ZBTB7C: variants seen among roughly 807,000 people sequenced by gnomAD.
ZBTB7C encodes zinc finger and BTB domain containing 7C, also known as zinc finger and BTB domain-containing protein 7C.
A neutral mutation model predicts 25.7 loss-of-function variants in ZBTB7C; 8 were observed. The observed-to-expected ratio is 0.31, with a 90% CI of 0.18 to 0.56. The LOEUF is 0.56. Ranked by LOEUF, ZBTB7C falls within the 20% of genes least tolerant of loss-of-function variation. The pLI, the probability that ZBTB7C is intolerant of heterozygous loss-of-function variation, is 0.91. For missense variants in ZBTB7C, 824 were observed against 855.2 expected, an observed-to-expected ratio of 0.96 and a Z score of 0.46; for synonymous variants, 394 against 369.0, an observed-to-expected ratio of 1.07 and a Z score of -0.78.
At chr18:48,135,376 G>A (rs1158427786) in intron 3 of ZBTB7C, among the ~76,000 whole-genome samples, 2 of 152,204 alleles carry the variant, frequency 1.3e-5, no homozygotes, top group South Asian at 2.1e-4. Flanking sequence ...CAGTTAAAGT[G>A]TAAGATTCTA....
intron 3 of ZBTB7C, among the ~76,000 whole-genome samples, chr18:48,080,688 C>T (rs2037948634): frequency 6.6e-6 from 1 of 152,212 alleles, no homozygotes; most frequent in Non-Finnish European, 1.5e-5. Context: ...ATGAACTGGG[C>T]TGTCCTGACA....
In ZBTB7C at chr18:48,050,335, C is replaced by G. The variant is rs140027137; in HGVS notation, c.-16-9212G>C. ...CCTTGGCTGCCCCAGAGGCTGGAAC[C>G]AGACATGTGGGCTGGGAGGCTGGGC... On this transcript the variant is annotated intron_variant, in intron 3 of 4. Coordinates refer to ENST00000590800, the MANE Select transcript of ZBTB7C (RefSeq NM_001318841.2). 2.0e-3 allele frequency among the ~76,000 whole-genome samples: 306 copies of G among 152,298 alleles called. 3 individuals are homozygous for G. Among genetic ancestry groups the G allele is most frequent in the African/African-American group, 6.5e-3 (269 of 41,560 alleles).
At chr18:48,169,851 A>G (rs2041407270) in intron 3 of ZBTB7C, 2 of 152,304 alleles carry the variant, frequency 1.3e-5, no homozygotes, top group African/African-American at 2.4e-5. Flanking sequence ...TCTTCTCTGT[A>G]TCATTCCTAT....
chr18:48,179,933 GCTTCCTTC>G (rs1195377699), intron 3 of ZBTB7C, among the ~76,000 whole-genome samples: 18 of 18,984 alleles, frequency 9.5e-4, no homozygotes, highest in Non-Finnish European at 1.9e-3. Context: ...TTCCTTCCCT[GCTTCCTTC>G]CTTCCTTCCC....
At chr18:48,059,441 G>C (rs2037043435) in intron 3 of ZBTB7C, among the ~76,000 whole-genome samples, 1 of 151,998 alleles carries the variant, frequency 6.6e-6, no homozygotes, top group Non-Finnish European at 1.5e-5. Context: ...CTCACACACA[G>C]AATGCCTGCA....
intron 2 of ZBTB7C, among the ~76,000 whole-genome samples, chr18:48,318,313 C>G (rs775331576): frequency 6.6e-6 from 1 of 152,272 alleles, no homozygotes; most frequent in Middle Eastern, 3.4e-3. Context: ...GGGAACCAAC[C>G]CCCCCTCACA....
At chr18:48,378,303 G>A (rs1005505304) in intron 1 of ZBTB7C, among the ~76,000 whole-genome samples, 1 of 152,116 alleles carries the variant, frequency 6.6e-6, no homozygotes, top group African/African-American at 2.4e-5. Flanking sequence ...ACTGAGGAGA[G>A]ATCTGCCACA....
At chr18:48,250,502 A>C (rs2043816066) in intron 2 of ZBTB7C, among the ~76,000 whole-genome samples, 2 of 152,120 alleles carry the variant, frequency 1.3e-5, no homozygotes, top group South Asian at 4.2e-4. Flanking sequence ...AGTTATCACT[A>C]ACTGTTGTCC....
rs2036153011 is a variant in ZBTB7C at position 48,040,113 on chromosome 18, C to T, written c.995G>A (p.Gly332Asp). The change falls in exon 4 of 5, where the codon GGT becomes GAT. Residue 332 changes from glycine to aspartate, a missense_variant. By Grantham distance (94) the Gly-to-Asp change is moderately conservative. This residue lies in a region of ZBTB7C where 316 missense variants were observed against 299.2 expected (regional missense o/e 1.06). Transcript: ENST00000590800. ...GGCACTCAGGAAGTTGAGATAGGCACCGTAGTCGTTCTCCGCCTTGATGGG... is the reference window on the plus strand; with the variant it reads ...GGCACTCAGGAAGTTGAGATAGGCATCGTAGTCGTTCTCCGCCTTGATGGG... ...LGPIKAENDY[G>D]AYLNFLSATH... 3 of 1,602,118 alleles carry T rather than the reference C, an allele frequency of 1.9e-6. No homozygotes were observed. The highest frequency in any genetic ancestry group is 2.6e-6 in the Non-Finnish European group (3 of 1,174,088).
chr18:48,075,681 A>T (rs1341771001), intron 3 of ZBTB7C, among the ~76,000 whole-genome samples: 5 of 151,652 alleles, frequency 3.3e-5, no homozygotes, highest in African/African-American at 7.3e-5. Context: ...GGGGCAGGTG[A>T]CTCCTTTCTA....
At chr18:48,059,115 GA>G (rs773845376) in intron 3 of ZBTB7C, among the ~76,000 whole-genome samples, 9 of 152,158 alleles carry the variant, frequency 5.9e-5, no homozygotes, top group Non-Finnish European at 1.2e-4. Context: ...TTGTTATGCA[GA>G]AACAGCTAAC....
At chr18:48,043,069 T>TA (rs869234424) in intron 3 of ZBTB7C, among the ~76,000 whole-genome samples, 2 of 140,728 alleles carry the variant, frequency 1.4e-5, no homozygotes, top group Non-Finnish European at 3.1e-5. Context: ...GCTAAAATAA[T>TA]AAAAAAATAC....
At chr18:48,215,020 T>C (rs1165348487) in intron 2 of ZBTB7C, among the ~76,000 whole-genome samples, 1 of 152,244 alleles carries the variant, frequency 6.6e-6, no homozygotes, top group Non-Finnish European at 1.5e-5. Flanking sequence ...TATGTGTTTA[T>C]AAAACTCACA....
chr18:48,247,956 A>G (rs2043743148), intron 2 of ZBTB7C, among the ~76,000 whole-genome samples: 1 of 152,168 alleles, frequency 6.6e-6, no homozygotes, highest in Non-Finnish European at 1.5e-5. Flanking sequence ...AGGTGGAGAT[A>G]ATTGAATCAT....
chr18:48,238,210 T>C (rs1213903342), intron 2 of ZBTB7C, among the ~76,000 whole-genome samples: 1 of 152,228 alleles, frequency 6.6e-6, no homozygotes, highest in Non-Finnish European at 1.5e-5. Context: ...GTTTGCATTA[T>C]AACTATTAAT....
chr18:48,124,076 T>A (rs1435460930), intron 3 of ZBTB7C, among the ~76,000 whole-genome samples: 1 of 152,202 alleles, frequency 6.6e-6, no homozygotes, highest in Non-Finnish European at 1.5e-5. Context: ...CCCCATGACC[T>A]GGGGATCATA....
chr18:48,362,934 G>A (rs1413384956), intron 1 of ZBTB7C, among the ~76,000 whole-genome samples: 2 of 152,168 alleles, frequency 1.3e-5, no homozygotes, highest in African/African-American at 2.4e-5. Context: ...AGGGCCCACT[G>A]TCCAGCTGGG....
chr18:48,295,239 A>G (rs904351905), intron 2 of ZBTB7C, among the ~76,000 whole-genome samples: 22 of 152,118 alleles, frequency 1.4e-4, no homozygotes, highest in African/African-American at 4.1e-4. Flanking sequence ...GCCTGGGAAT[A>G]TGCATTCTGA....
At chr18:48,318,210 A>T (rs35292223) in intron 2 of ZBTB7C, among the ~76,000 whole-genome samples, 3 of 146,352 alleles carry the variant, frequency 2.0e-5, no homozygotes, top group Admixed American at 2.0e-4. Context: ...AAAACAAAAC[A>T]AAACAAAAAA....
Sources: allele counts gnomAD v4.1 joint callset (sites outside exome capture counted in the v4.1 genomes callset), GRCh38; gene constraint gnomAD v4.1.1; regional missense constraint gnomAD v4.1.1; transcripts MANE v1.5; gene names NCBI Gene and HGNC (gene_info 2026-07-23, HGNC 2026-07-21).